PRDM11: variants seen among roughly 807,000 people sequenced by gnomAD.
PRDM11 encodes PR domain-containing protein 11.
In PRDM11, 20 loss-of-function variants were observed where a neutral mutation model predicts 97.8. The ratio of observed to expected loss-of-function variants is 0.20; its 90% CI spans 0.14 to 0.30. The LOEUF (loss-of-function observed/expected upper bound fraction) is 0.30. Ranked by LOEUF, PRDM11 falls within the 10% of genes least tolerant of loss-of-function variation. The pLI is 1.00. For missense variants in PRDM11, 1,139 were observed against 1,555.2 expected, an observed-to-expected ratio of 0.73 and a Z score of 4.50; for synonymous variants, 599 against 637.7, an observed-to-expected ratio of 0.94 and a Z score of 0.91.
In PRDM11 at chr11:45,120,267, T is replaced by C. The variant is rs552048953; in HGVS notation, c.96+24366T>C. Among the ~76,000 whole-genome samples the C allele has an allele frequency of 4.6e-5, 7 of 152,246 alleles. No homozygotes were observed. The East Asian group carries it at 1.4e-3, about 29-fold the overall frequency. On this transcript the variant is annotated intron_variant, in intron 1 of 6. Transcript: ENST00000530656. ...TAACAAAAGTTCTAACATACACATA[T>C]GTGGAGTATCAGAAAGAAAGGAGAG...
intron 1 of PRDM11, among the ~76,000 whole-genome samples, chr11:45,141,000 AG>A (rs2135666325): frequency 6.6e-6 from 1 of 152,260 alleles, no homozygotes; most frequent in East Asian, 1.9e-4. Flanking sequence ...GTTTGGAAAG[AG>A]TACTCCACAA....
At chr11:45,177,567 T>C (rs1852359454) in intron 1 of PRDM11, among the ~76,000 whole-genome samples, 1 of 152,164 alleles carries the variant, frequency 6.6e-6, no homozygotes, top group Non-Finnish European at 1.5e-5. Context: ...CCCTATGGCC[T>C]TTATCACAAG....
At chr11:45,121,248 T>C (rs116514273) in intron 1 of PRDM11, among the ~76,000 whole-genome samples, 2,028 of 152,042 alleles carry the variant, frequency 0.013, 40 homozygotes, top group African/African-American at 0.046. Flanking sequence ...AAAAACAAGA[T>C]GCAAATATTA....
At chr11:45,215,656 G>A (rs1853936085) in intron 5 of PRDM11, among the ~76,000 whole-genome samples, 1 of 152,178 alleles carries the variant, frequency 6.6e-6, no homozygotes, top group East Asian at 1.9e-4. Flanking sequence ...GGGGATTGTT[G>A]GGCTAGCACA....
chr11:45,115,598 G>T (rs1047245216), intron 1 of PRDM11, among the ~76,000 whole-genome samples: 3 of 152,100 alleles, frequency 2.0e-5, no homozygotes, highest in Non-Finnish European at 2.9e-5. Context: ...TAGGTTGAAG[G>T]TATAAGAAGA....
intron 1 of PRDM11, among the ~76,000 whole-genome samples, chr11:45,180,936 C>A (rs1471356951): frequency 2.0e-5 from 3 of 152,126 alleles, no homozygotes; most frequent in Non-Finnish European, 4.4e-5. Context: ...TCGCCGCCGC[C>A]GGCTTTGGGG....
chr11:45,182,119 G>A, intron 2 of PRDM11, 127 bp from the exon 3 acceptor site: 1 of 828,116 alleles, frequency 1.2e-6, no homozygotes. Flanking sequence ...ACAGCAGGCT[G>A]GCTGGGACTC....
At chr11:45,123,704 A>C (rs979942639) in intron 1 of PRDM11, among the ~76,000 whole-genome samples, 1 of 150,014 alleles carries the variant, frequency 6.7e-6, no homozygotes, top group Non-Finnish European at 1.5e-5. Context: ...ATTGATCTAT[A>C]TCTCTGTTTT....
intron 1 of PRDM11, among the ~76,000 whole-genome samples, chr11:45,155,808 A>G (rs1321808583): frequency 6.6e-6 from 1 of 151,820 alleles, no homozygotes; most frequent in African/African-American, 2.4e-5. Context: ...GCAGAAAAGG[A>G]GGATCCAGGG....
chr11:45,147,387 G>A (rs1349260780), intron 1 of PRDM11: 1 of 152,206 alleles, frequency 6.6e-6, no homozygotes, highest in Non-Finnish European at 1.5e-5. Context: ...GCTGCTGCGG[G>A]GTGCTCGGGG....
At chr11:45,147,186 G>C (rs779180935) in intron 1 of PRDM11, among the ~76,000 whole-genome samples, 1 of 151,824 alleles carries the variant, frequency 6.6e-6, no homozygotes, top group Non-Finnish European at 1.5e-5. Flanking sequence ...TTACAATGTA[G>C]CCTTTTCTCT....
At chr11:45,124,600 G>A (rs1852521461) in intron 1 of PRDM11, among the ~76,000 whole-genome samples, 1 of 152,200 alleles carries the variant, frequency 6.6e-6, no homozygotes, top group African/African-American at 2.4e-5. Context: ...AGATAATCAT[G>A]TGGTTTTTGT....
rs555452525 is a variant in PRDM11, at chr11:45,227,991, G to A, written c.3366G>A (p.Pro1122=). 15 of 1,533,786 alleles carry A rather than the reference G, an allele frequency of 9.8e-6. No homozygotes were observed. In the Admixed American group the frequency reaches 9.8e-5, roughly 10 times the overall value. The stretch of plus-strand genomic sequence containing the variant: ...TGTTGACAATCGCTGTAAACGGACC[G>A]CCAATCACCAACTTTGATGCCAAGC... ...SDLLTIAVNG[P]PITNFDAKRA... Residue 1122 remains proline (P), a synonymous_variant, in exon 8 of 8, where the codon CCG becomes CCA. Coordinates refer to ENST00000683152, the MANE Select transcript of PRDM11 (RefSeq NM_001384648.1). The surrounding 1 kb of genome is among the most constrained non-coding windows in gnomAD (Gnocchi z 8.0).
chr11:45,184,611 T>C (rs1418516813), intron 4 of PRDM11, among the ~76,000 whole-genome samples: 1 of 152,054 alleles, frequency 6.6e-6, no homozygotes, highest in Non-Finnish European at 1.5e-5. Flanking sequence ...ACATCTGCAG[T>C]CTCCCAACAG....
chr11:45,178,394 AGTCTCAT>A (rs1374501539), intron 1 of PRDM11, among the ~76,000 whole-genome samples: 1 of 152,108 alleles, frequency 6.6e-6, no homozygotes, highest in Non-Finnish European at 1.5e-5. Context: ...TCCGGCTCTG[AGTCTCAT>A]GAGTCTAATT....
intron 1 of PRDM11, among the ~76,000 whole-genome samples, chr11:45,175,238 T>C (rs943883850): frequency 2.6e-5 from 4 of 152,242 alleles, no homozygotes; most frequent in Admixed American, 2.6e-4. Flanking sequence ...CCTTCCATTG[T>C]AGTATCATAC....
intron 1 of PRDM11, among the ~76,000 whole-genome samples, chr11:45,136,434 T>G (rs2135658354): frequency 6.6e-6 from 1 of 152,112 alleles, no homozygotes; most frequent in South Asian, 2.1e-4. Flanking sequence ...CCACCTTGGA[T>G]AAAACAAGGA....
chr11:45,122,823 G>A lies in PRDM11; in HGVS notation c.96+26922G>A, dbSNP rs575366113. 9.9e-5 allele frequency among the ~76,000 whole-genome samples: 15 copies of A among 152,272 alleles called. No homozygotes were observed. The East Asian group carries it at 2.7e-3, about 27-fold the overall frequency. Reference sequence around the variant, plus strand: ...ACATACATGTGCATGTGTCTTTATAGCAGCATGATTTATAGTCCTTTGGGT... The same window carrying A: ...ACATACATGTGCATGTGTCTTTATAACAGCATGATTTATAGTCCTTTGGGT... On this transcript the variant is annotated intron_variant, in intron 1 of 6. Transcript: ENST00000530656.
At chr11:45,141,221 G>A (rs1245424951) in intron 1 of PRDM11, among the ~76,000 whole-genome samples, 1 of 152,170 alleles carries the variant, frequency 6.6e-6, no homozygotes, top group African/African-American at 2.4e-5. Context: ...AATGTTGCAA[G>A]CAACAGAAAT....
Sources: allele counts gnomAD v4.1 joint callset (sites outside exome capture counted in the v4.1 genomes callset), GRCh38; gene constraint gnomAD v4.1.1; non-coding constraint Gnocchi (gnomAD v3.1); transcripts MANE v1.5; gene names NCBI Gene and HGNC (gene_info 2026-07-23, HGNC 2026-07-21).